SPHKAP: variants seen among roughly 807,000 people sequenced by gnomAD.
SPHKAP encodes SPHK1 interactor, AKAP domain containing.
SPHKAP carries 67 observed loss-of-function variants against 137.5 expected under a neutral mutation model. That is an observed-to-expected ratio of 0.49 (90% CI 0.40 to 0.60). The LOEUF is 0.60. Among genes scored for constraint, SPHKAP ranks in the 20% least tolerant of loss-of-function variants. SPHKAP has a pLI of 0.00. For synonymous variants in SPHKAP, 813 were observed against 785.3 expected, an observed-to-expected ratio of 1.04 and a Z score of -0.59; for missense variants, 2,097 against 2,069.3, an observed-to-expected ratio of 1.01 and a Z score of -0.26.
At chr2:228,003,121 G>C (rs1450840548) in intron 7 of SPHKAP, among the ~76,000 whole-genome samples, 1 of 152,212 alleles carries the variant, frequency 6.6e-6, no homozygotes, top group East Asian at 1.9e-4. Context: ...TTGGTAGCTT[G>C]ATGGGGATGG....
Position 228,016,635 on chromosome 2 carries a change from A to G in SPHKAP, c.4219T>C (p.Ser1407Pro), listed in dbSNP as rs945499421. Residue 1407 changes from serine (S) to proline (P), a missense_variant, in exon 7 of 12, where the codon TCG becomes CCG. Transcript: ENST00000392056. ...TTTATTGGTACAGGGTCCTGGCACG[A>G]GGAAGTTTCTTTTTTAGAATCTAAA... ...SPLDSKKETSSCQDPVPINHK... is the reference protein window; with the variant it reads ...SPLDSKKETSPCQDPVPINHK... 3.7e-6 allele frequency: 6 copies of G among 1,613,670 alleles called. No individual in the cohort carries two copies. Among genetic ancestry groups the G allele is most frequent in the Non-Finnish European group, 5.1e-6 (6 of 1,179,916 alleles).
chr2:228,017,119 T>C lies in SPHKAP; in HGVS notation c.3735A>G (p.Pro1245=), dbSNP rs1481876803. The C allele has an allele frequency of 3.7e-6, 6 of 1,614,016 alleles. No homozygotes were observed. In the Admixed American group the frequency reaches 8.3e-5, roughly 22 times the overall value. The change falls in exon 7 of 12, where the codon CCA becomes CCG. Residue 1245 remains proline, a synonymous_variant. Transcript: ENST00000392056. ...GCACATTCACTGTCAGCCTGGAGCATGGGGATCTGCTGTCTGGCATGGACG... is the reference window on the plus strand; with the variant it reads ...GCACATTCACTGTCAGCCTGGAGCACGGGGATCTGCTGTCTGGCATGGACG... The part of the protein sequence containing the change: ...RQSSMPDSRS[P]CSRLTVNVPI...
chr2:228,047,592 G>A (rs192894277), intron 3 of SPHKAP, among the ~76,000 whole-genome samples: 1 of 152,000 alleles, frequency 6.6e-6, no homozygotes, highest in East Asian at 1.9e-4. Flanking sequence ...ATTAATTTGT[G>A]TCCATTCATT....
intron 7 of SPHKAP, among the ~76,000 whole-genome samples, chr2:228,005,900 T>G (rs4502398): frequency 0.79 from 120,849 of 152,192 alleles, 48,496 homozygotes; most frequent in African/African-American, 0.92. Flanking sequence ...AGTTTCTGCC[T>G]AGAGATCAGC....
intron 2 of SPHKAP, among the ~76,000 whole-genome samples, chr2:228,122,900 C>G (rs1348238875): frequency 2.6e-5 from 4 of 152,128 alleles, no homozygotes; most frequent in Admixed American, 2.0e-4. Flanking sequence ...CTCTCTGTCT[C>G]CCAGTGCCCC....
chr2:228,049,456 A>G (rs2106270615), intron 3 of SPHKAP, among the ~76,000 whole-genome samples: 1 of 152,328 alleles, frequency 6.6e-6, no homozygotes, highest in South Asian at 2.1e-4. Context: ...ACATTGCTGC[A>G]TTATAAAGAA....
chr2:228,047,757 G>C (rs1696118856), intron 3 of SPHKAP, among the ~76,000 whole-genome samples: 4 of 152,176 alleles, frequency 2.6e-5, no homozygotes, highest in Admixed American at 2.6e-4. Flanking sequence ...TAGTCTAACT[G>C]TTTGATGATC....
At chr2:228,124,028 G>A (rs997208439) in intron 2 of SPHKAP, among the ~76,000 whole-genome samples, 9 of 151,616 alleles carry the variant, frequency 5.9e-5, no homozygotes, top group South Asian at 2.1e-4. Context: ...TCAAAACCAC[G>A]ATGAGATACC....
At chr2:228,037,504 A>T (rs1695668982) in intron 3 of SPHKAP, among the ~76,000 whole-genome samples, 1 of 152,186 alleles carries the variant, frequency 6.6e-6, no homozygotes, top group African/African-American at 2.4e-5. Flanking sequence ...TTGATGGTAG[A>T]AGCATTCCTG....
Position 228,020,072 on chromosome 2 carries a change from T to G in SPHKAP, c.782A>C (p.Lys261Thr), listed in dbSNP as rs111924199. Residue 261 changes from lysine to threonine, a missense_variant, in exon 7 of 12, where the codon AAG (lysine) becomes ACG (threonine). By Grantham distance (78) the Lys-to-Thr change is moderately conservative. Coordinates refer to ENST00000392056, the MANE Select transcript of SPHKAP (RefSeq NM_001142644.2). The part of the protein sequence containing the change: ...GATQVEWNCN[K>T]EKWLYALEDK... The stretch of plus-strand genomic sequence containing the variant: ...TTCCAAAGCATAAAGCCACTTTTCC[T>G]TGTTGCAATTCCATTCCACCTGGGT... 1 of 1,614,238 alleles carries G rather than the reference T, an allele frequency of 6.2e-7. No homozygotes were observed.
intron 3 of SPHKAP, among the ~76,000 whole-genome samples, chr2:228,092,463 TGTGCC>T (rs749816720): frequency 0.36 from 11,355 of 31,480 alleles, 1,592 homozygotes; most frequent in African/African-American, 0.4. Flanking sequence ...TATACATATA[TGTGCC>T]ATATATATGT....
chr2:228,153,466 G>T (rs1264833425), intron 1 of SPHKAP, among the ~76,000 whole-genome samples: 2 of 151,954 alleles, frequency 1.3e-5, no homozygotes, highest in African/African-American at 4.8e-5. Flanking sequence ...AGTTATTCTT[G>T]CAAGATCTCT....
In SPHKAP at chr2:228,181,173, C is replaced by T. The variant is rs1034260221; in HGVS notation, c.32+394G>A. ...AAAGCGGGGGTACTTTGCCCTAGCC[C>T]GGTTCCCTCCTGTTTTAGACCTTGG... On this transcript the variant is annotated intron_variant, in intron 1 of 11. Coordinates refer to ENST00000392056, the MANE Select transcript of SPHKAP (RefSeq NM_001142644.2). The surrounding 1 kb of genome is among the most constrained non-coding windows in gnomAD (Gnocchi z 4.3). Among the ~76,000 whole-genome samples, 3 of 152,156 alleles carry T rather than the reference C, an allele frequency of 2.0e-5. No individual in the cohort carries two copies. Among genetic ancestry groups the T allele is most frequent in the South Asian group, 2.1e-4 (1 of 4,830 alleles).
chr2:228,120,202 A>G (rs1698863099), intron 2 of SPHKAP, among the ~76,000 whole-genome samples: 1 of 152,176 alleles, frequency 6.6e-6, no homozygotes, highest in Non-Finnish European at 1.5e-5. Flanking sequence ...AGACTACCAG[A>G]GAAGAGAAAA....
At chr2:228,087,324 C>T (rs185399345) in intron 3 of SPHKAP, among the ~76,000 whole-genome samples, 82 of 152,156 alleles carry the variant, frequency 5.4e-4, no homozygotes, top group Non-Finnish European at 9.1e-4. Context: ...GGAGTCAGTA[C>T]CCAGAGTTGT....
intron 3 of SPHKAP, among the ~76,000 whole-genome samples, chr2:228,065,932 T>G (rs760155637): frequency 2.0e-5 from 3 of 152,092 alleles, no homozygotes; most frequent in Non-Finnish European, 2.9e-5. Flanking sequence ...GCACCAGAAA[T>G]GGTACTAGGT....
rs560771456 is a variant in SPHKAP, at chr2:228,168,897, G to A, written c.32+12670C>T. ...AAGGAAATTAAAAGTGATAATCCAGGGAATATACGAATGATAAGAAAAAGA... is the reference window on the plus strand; with the variant it reads ...AAGGAAATTAAAAGTGATAATCCAGAGAATATACGAATGATAAGAAAAAGA... On this transcript the variant is annotated intron_variant, in intron 1 of 11. Transcript: ENST00000392056. 5.9e-5 allele frequency among the ~76,000 whole-genome samples: 9 copies of A among 152,148 alleles called. 1 individual carries two copies. The South Asian group carries it at 1.7e-3, about 28-fold the overall frequency.
At chr2:228,175,638 A>G (rs1462915002) in intron 1 of SPHKAP, among the ~76,000 whole-genome samples, 2 of 152,316 alleles carry the variant, frequency 1.3e-5, no homozygotes, top group East Asian at 3.9e-4. Flanking sequence ...GGAATAAAAA[A>G]CATATGACAC....
chr2:228,178,100 GC>G (rs1352413099), intron 1 of SPHKAP, among the ~76,000 whole-genome samples: 2 of 152,100 alleles, frequency 1.3e-5, no homozygotes, highest in African/African-American at 4.8e-5. Flanking sequence ...CTTTTAGGCT[GC>G]CCCCATGTGT....
Sources: gnomAD v4.1 joint callset for allele counts (sites outside exome capture counted in the v4.1 genomes callset) on GRCh38, gnomAD v4.1.1 for gene constraint, Gnocchi (gnomAD v3.1) non-coding constraint, MANE v1.5 for transcripts, NCBI Gene and HGNC (gene_info 2026-07-23, HGNC 2026-07-21) for gene names.